BRD10: variants seen among roughly 807,000 people sequenced by gnomAD.
BRD10 encodes the protein bromodomain containing 10.
chr9:5,991,176 GTGTGTATATA>G, the BRD10 span, among the ~76,000 whole-genome samples: 3 of 37,316 alleles, frequency 8.0e-5, no homozygotes, highest in South Asian at 6.6e-4. Context: ...TTGTGTGTGT[GTGTGTATATA>G]TATATATATA....
chr9:5,939,804 T>C, the BRD10 span, among the ~76,000 whole-genome samples: 1 of 152,238 alleles, frequency 6.6e-6, no homozygotes, highest in African/African-American at 2.4e-5. Context: ...GTAGGATCAT[T>C]ACAGTGTAGG....
chr9:5,879,736 T>C, the BRD10 span, among the ~76,000 whole-genome samples: 3 of 152,178 alleles, frequency 2.0e-5, no homozygotes, highest in African/African-American at 7.2e-5. Flanking sequence ...CAGAACCAGA[T>C]AATCTGACTC....
chr9:5,946,051 C>G, the BRD10 span, among the ~76,000 whole-genome samples: 1 of 151,894 alleles, frequency 6.6e-6, no homozygotes, highest in South Asian at 2.1e-4. Context: ...ACAATAAAAG[C>G]AAAAGTGGGT....
At chr9:6,007,746 C>T in the BRD10 span, 34 of 1,593,674 alleles carry the variant, frequency 2.1e-5, no homozygotes, top group Non-Finnish European at 2.8e-5. Flanking sequence ...GCTCTTCCTC[C>T]CCAGCCGGCT....
At chr9:5,922,177 GCA>G in the BRD10 span, 7 of 1,613,898 alleles carry the variant, frequency 4.3e-6, no homozygotes, top group Non-Finnish European at 5.1e-6. Context: ...AATCTCTTAT[GCA>G]CACAGTTTTC....
chr9:5,944,866 C>G, the BRD10 span: 1 of 1,473,006 alleles, frequency 6.8e-7, no homozygotes, highest in African/African-American at 1.4e-5. Context: ...TGGATCAACA[C>G]CTACCGATTT....
At chr9:6,000,659 C>G in the BRD10 span, among the ~76,000 whole-genome samples, 1 of 133,864 alleles carries the variant, frequency 7.5e-6, no homozygotes, top group Admixed American at 7.4e-5. Context: ...GAAGAACAAT[C>G]TTTTTAAATA....
the BRD10 span, chr9:5,969,352 T>C: frequency 1.2e-5 from 20 of 1,612,506 alleles, no homozygotes; most frequent in Admixed American, 2.8e-4. Flanking sequence ...AAGTTGGAGC[T>C]GCTTGAGCTA....
chr9:5,958,742 G>A, the BRD10 span, among the ~76,000 whole-genome samples: 18 of 152,110 alleles, frequency 1.2e-4, no homozygotes, highest in Non-Finnish European at 2.2e-4. Flanking sequence ...CTGTACTTTC[G>A]CCTTAGGAAC....
chr9:5,923,355 T>G, the BRD10 span: 2 of 1,347,470 alleles, frequency 1.5e-6, no homozygotes. Flanking sequence ...AAACAGCAAC[T>G]AAATAGTAAT....
the BRD10 span, among the ~76,000 whole-genome samples, chr9:5,889,327 CA>C: frequency 2.0e-5 from 3 of 152,188 alleles, no homozygotes; most frequent in African/African-American, 7.2e-5. Context: ...ATCATCTTAA[CA>C]ACTTTTTGCA....
chr9:5,952,205 G>A, the BRD10 span, among the ~76,000 whole-genome samples: 138 of 152,002 alleles, frequency 9.1e-4, 1 homozygote, highest in African/African-American at 3.2e-3. Flanking sequence ...TGTATTTTTA[G>A]TAGAGATGGG....
the BRD10 span, among the ~76,000 whole-genome samples, chr9:5,884,141 T>A: frequency 6.6e-6 from 1 of 152,210 alleles, no homozygotes; most frequent in African/African-American, 2.4e-5. Context: ...AAGCTGCTGC[T>A]TCTAGATCTC....
At chr9:6,000,125 C>T in the BRD10 span, among the ~76,000 whole-genome samples, 1 of 152,028 alleles carries the variant, frequency 6.6e-6, no homozygotes, top group Non-Finnish European at 1.5e-5. Context: ...TTCTAGTTAA[C>T]AATAACAACT....
At chr9:5,908,496 T>G in the BRD10 span, 1 of 724,900 alleles carries the variant, frequency 1.4e-6, no homozygotes, top group South Asian at 1.9e-5. Context: ...AACAATTACT[T>G]CACTGGGCAG....
chr9:5,887,687 A>G, the BRD10 span, among the ~76,000 whole-genome samples: 2 of 152,186 alleles, frequency 1.3e-5, no homozygotes, highest in African/African-American at 2.4e-5. Context: ...CTCCAAATCT[A>G]TTGACACAAG....
At chr9:5,981,104 T>A in the BRD10 span, among the ~76,000 whole-genome samples, 1 of 152,232 alleles carries the variant, frequency 6.6e-6, no homozygotes, top group Non-Finnish European at 1.5e-5. Flanking sequence ...AGATCCATTC[T>A]CCATCCTTCA....
the BRD10 span, among the ~76,000 whole-genome samples, chr9:5,975,595 C>G: frequency 6.6e-6 from 1 of 151,870 alleles, no homozygotes; most frequent in Non-Finnish European, 1.5e-5. Context: ...ACTACAATGT[C>G]TGAGATGAAA....
At chr9:6,005,686 A>C in the BRD10 span, among the ~76,000 whole-genome samples, 1 of 152,208 alleles carries the variant, frequency 6.6e-6, no homozygotes, top group African/African-American at 2.4e-5. Flanking sequence ...AAATCTTGTG[A>C]CATCAATCAG....
Sources: gnomAD v4.1 joint callset for allele counts (sites outside exome capture counted in the v4.1 genomes callset) on GRCh38, gnomAD v4.1.1 for gene constraint, MANE v1.5 for transcripts, NCBI Gene and HGNC (gene_info 2026-07-23, HGNC 2026-07-21) for gene names.